Variants in MAT1A observed in about 807,000 individuals in gnomAD.
MAT1A encodes the protein S-adenosylmethionine synthase isoform type-1.
A neutral mutation model predicts 44.0 loss-of-function variants in MAT1A; 19 were observed. The observed-to-expected ratio is 0.43, with a 90% CI of 0.30 to 0.63. The LOEUF (loss-of-function observed/expected upper bound fraction) is 0.63, where lower values mean the gene tolerates loss of function less well. MAT1A is among the 30% of genes least tolerant of loss of function. MAT1A has a pLI of 0.12. For missense variants in MAT1A, 397 were observed against 531.0 expected, an observed-to-expected ratio of 0.75 and a Z score of 2.48; for synonymous variants, 205 against 205.6, an observed-to-expected ratio of 1.00 and a Z score of 0.03.
chr10:80,283,502 G>C (rs1440909274), intron 3 of MAT1A, among the ~76,000 whole-genome samples: 2 of 152,248 alleles, frequency 1.3e-5, no homozygotes, highest in African/African-American at 2.4e-5. Flanking sequence ...CACACAGACT[G>C]TTTACCCCTC....
Position 80,283,996 on chromosome 10 carries a change from A to T in MAT1A, c.212T>A (p.Ile71Asn). The T allele has an allele frequency of 6.2e-7, 1 of 1,614,176 alleles. No homozygotes were observed. The highest frequency in any genetic ancestry group is 8.5e-7 in the Non-Finnish European group (1 of 1,180,022). Residue 71 changes from isoleucine (I) to asparagine (N), a missense_variant, in exon 3 of 9, where the codon ATC becomes AAC. Transcript: ENST00000372213. ...KTGMVLLCGE[I>N]TSMAMVDYQR... ...GTAGTCCACCATGGCCATTGAGGTG[A>T]TCTCACCACACAGCAGCACCATGCC...
chr10:80,277,357 TC>T lies in MAT1A; in HGVS notation c.550-764del, dbSNP rs11304574. Among the ~76,000 whole-genome samples, 587 of 152,098 alleles carry T rather than the reference TC, an allele frequency of 3.9e-3. 3 individuals carry two copies. Among genetic ancestry groups the T allele is most frequent in the African/African-American group, 0.013 (542 of 41,498 alleles). On this transcript the variant is annotated intron_variant, in intron 5 of 8. Transcript: ENST00000372213. The stretch of plus-strand genomic sequence containing the variant: ...CTGTGCCTGCAGCAAACTCTCTACC[TC>T]CCCAAGGCTACTCAGGTATCCATCA...
At chr10:80,282,608 A>G (rs554775008) in intron 3 of MAT1A, among the ~76,000 whole-genome samples, 30 of 152,284 alleles carry the variant, frequency 2.0e-4, no homozygotes, top group African/African-American at 6.5e-4. Flanking sequence ...CTCTGGGACA[A>G]TGTGTTTCCT....
Position 80,276,393 on chromosome 10 carries a change from C to T in MAT1A, c.751G>A (p.Val251Ile). The T allele has an allele frequency of 1.2e-6, 2 of 1,614,156 alleles. No homozygotes were observed. Among genetic ancestry groups the T allele is most frequent in the East Asian group, 2.2e-5 (1 of 44,886 alleles). Reference protein sequence around the residue: ...VYHLQPSGRFVIGGPQGDAGV... With the variant: ...VYHLQPSGRFIIGGPQGDAGV... ...GAATGCACCTGGGGACCTCCGATGA[C>T]AAACCGCCCACTGGGCTGCAGGTGG... is the stretch of plus-strand genomic sequence containing the variant. The change falls in exon 6 of 9, where the codon GTC becomes ATC. Residue 251 changes from valine (V) to isoleucine (I), a missense_variant. Transcript: ENST00000372213.
rs1471291782 is a variant in MAT1A at position 80,273,756 on chromosome 10, A to C, written c.*25T>G. 1.0e-5 allele frequency: 16 copies of C among 1,551,178 alleles called. No individual in the cohort carries two copies. Among genetic ancestry groups the C allele is most frequent in the Non-Finnish European group, 1.4e-5 (16 of 1,124,470 alleles). ...ATGGCCACCAGGTGCCTCCAGGGTGAGACCAGGCCCAGCTCCCCCTGGCTC... is the reference window on the plus strand; with the variant it reads ...ATGGCCACCAGGTGCCTCCAGGGTGCGACCAGGCCCAGCTCCCCCTGGCTC... On this transcript the variant is annotated 3_prime_UTR_variant, in exon 9 of 9. Coordinates refer to ENST00000372213, the MANE Select transcript of MAT1A (RefSeq NM_000429.3).
intron 3 of MAT1A, among the ~76,000 whole-genome samples, chr10:80,280,999 C>T (rs1350591749): frequency 6.6e-6 from 1 of 152,154 alleles, no homozygotes; most frequent in Non-Finnish European, 1.5e-5. Context: ...AACTCTTTGG[C>T]CAACCAAAAT....
intron 1 of MAT1A, among the ~76,000 whole-genome samples, chr10:80,287,967 T>C (rs113361863): frequency 4.5e-4 from 69 of 152,254 alleles, no homozygotes; most frequent in African/African-American, 1.7e-3. Flanking sequence ...CAGTAGCACC[T>C]TACCCCCACC....
intron 5 of MAT1A, among the ~76,000 whole-genome samples, chr10:80,278,720 A>G (rs1841522056): frequency 6.6e-6 from 1 of 152,222 alleles, no homozygotes; most frequent in Admixed American, 6.5e-5. Flanking sequence ...TGCCCTGTGC[A>G]TGGTCTGACA....
chr10:80,278,510 TG>T (rs1413513502), intron 5 of MAT1A, among the ~76,000 whole-genome samples: 2 of 152,200 alleles, frequency 1.3e-5, no homozygotes, highest in Non-Finnish European at 2.9e-5. Flanking sequence ...GCCGACATCA[TG>T]GGCCCCTTTC....
At chr10:80,277,905 G>A (rs1356614941) in intron 5 of MAT1A, among the ~76,000 whole-genome samples, 1 of 152,230 alleles carries the variant, frequency 6.6e-6, no homozygotes, top group African/African-American at 2.4e-5. Context: ...TGCCACCCAG[G>A]CCTCACTATC....
intron 2 of MAT1A, among the ~76,000 whole-genome samples, chr10:80,285,027 T>C (rs761849056): frequency 7.2e-5 from 11 of 152,218 alleles, no homozygotes; most frequent in Non-Finnish European, 1.5e-4. Flanking sequence ...ACACTAATTA[T>C]TTTAAAACCT....
At chr10:80,275,645 A>C (rs2132702090) in intron 6 of MAT1A, among the ~76,000 whole-genome samples, 1 of 152,342 alleles carries the variant, frequency 6.6e-6, no homozygotes, top group African/African-American at 2.4e-5. Context: ...TGGGAGTTCT[A>C]TGTTAAATGA....
chr10:80,283,862 G>A (rs779178100), intron 3 of MAT1A, 54 bp downstream of exon 3: 1 of 1,612,406 alleles, frequency 6.2e-7, no homozygotes. Context: ...TCAGCACTGG[G>A]GTCTCTATCA....
At chr10:80,276,047 G>T (rs1276786753) in intron 6 of MAT1A, among the ~76,000 whole-genome samples, 3 of 152,228 alleles carry the variant, frequency 2.0e-5, no homozygotes, top group Non-Finnish European at 4.4e-5. Context: ...CTGCAGTGGG[G>T]AATGTGCACC....
intron 5 of MAT1A, among the ~76,000 whole-genome samples, chr10:80,277,238 G>A (rs1168201027): frequency 1.3e-5 from 2 of 152,204 alleles, no homozygotes; most frequent in African/African-American, 4.8e-5. Context: ...TCTGCCAGAT[G>A]GCCCTGGGAG....
chr10:80,274,411 A>T, intron 8 of MAT1A, 109 bp downstream of exon 8: 1 of 1,495,914 alleles, frequency 6.7e-7, no homozygotes, highest in South Asian at 1.1e-5. Context: ...AGACCCTCCC[A>T]CTTCTGAGAG....
chr10:80,289,497 TC>T lies in MAT1A; in HGVS notation c.-75del. 2.5e-5 allele frequency: 23 copies of T among 908,618 alleles called. No homozygotes were observed. Among genetic ancestry groups the T allele is most frequent in the Non-Finnish European group, 3.6e-5 (20 of 561,662 alleles). The allele number at this position is 908,618 out of a possible 1,614,324, so 56.3% of individuals were successfully genotyped here. A position where few individuals can be genotyped will look rare whatever the true frequency, so the allele number is the denominator to read the frequency against. Reference sequence around the variant, plus strand: ...CTGTGACTTTGCCTGAGTTTTTTTTTCTTCTTCTTCTTCTTCTTTCAACCCA... The same window carrying T: ...CTGTGACTTTGCCTGAGTTTTTTTTTTTCTTCTTCTTCTTCTTTCAACCCA... On this transcript the variant is annotated 5_prime_UTR_variant, in exon 1 of 9. Transcript: ENST00000372213.
intron 1 of MAT1A, 39 bp from the exon 2 acceptor site, chr10:80,285,628 T>A (rs1463265684): frequency 7.5e-7 from 1 of 1,333,666 alleles, no homozygotes; most frequent in East Asian, 2.3e-5. Context: ...CACAAAAATA[T>A]TCGGGATAAC....
chr10:80,278,171 G>A (rs982399244), intron 5 of MAT1A, among the ~76,000 whole-genome samples: 3 of 152,322 alleles, frequency 2.0e-5, no homozygotes, highest in African/African-American at 7.2e-5. Flanking sequence ...TCCTGCCTGT[G>A]GCAGGGAAGT....
Sources: gnomAD v4.1 joint callset for allele counts (sites outside exome capture counted in the v4.1 genomes callset) on GRCh38, gnomAD v4.1.1 for gene constraint, MANE v1.5 for transcripts, NCBI Gene and HGNC (gene_info 2026-07-23, HGNC 2026-07-21) for gene names.